The following GRM7 variants were observed in gnomAD, a reference collection of about 807,000 sequenced individuals.
The protein encoded by GRM7 is glutamate metabotropic receptor 7, also known as metabotropic glutamate receptor 7.
A neutral mutation model predicts 84.5 loss-of-function variants in GRM7; 35 were observed. That is an observed-to-expected ratio of 0.41 (90% CI 0.32 to 0.55). The LOEUF is 0.55. GRM7 is among the 20% of genes least tolerant of loss of function. The probability of loss-of-function intolerance (pLI) is 0.19; values close to 1 mark genes in which losing one functional copy is unlikely to be tolerated. For missense variants in GRM7, 1,003 were observed against 1,194.6 expected (o/e 0.84, Z 2.36); for synonymous variants, 487 against 455.1 (o/e 1.07, Z -0.89).
intron 1 of GRM7, among the ~76,000 whole-genome samples, chr3:6,941,306 T>C (rs1697885827): frequency 6.6e-6 from 1 of 152,230 alleles, no homozygotes; most frequent in African/African-American, 2.4e-5. Flanking sequence ...CAAACGTCTC[T>C]ATTTTTTACC....
intron 1 of GRM7, among the ~76,000 whole-genome samples, chr3:7,025,849 T>A (rs1002189973): frequency 3.9e-5 from 6 of 152,168 alleles, no homozygotes; most frequent in African/African-American, 1.2e-4. Context: ...AATTCCACTG[T>A]GCATGGGGAG....
At chr3:7,493,660 A>G (rs1007811647) in intron 7 of GRM7, among the ~76,000 whole-genome samples, 2 of 151,980 alleles carry the variant, frequency 1.3e-5, no homozygotes, top group African/African-American at 4.8e-5. Flanking sequence ...TGGCATATTT[A>G]GACCATTTAA....
At chr3:7,390,577 C>G (rs1198253278) in intron 4 of GRM7, among the ~76,000 whole-genome samples, 1 of 151,652 alleles carries the variant, frequency 6.6e-6, no homozygotes, top group Admixed American at 6.6e-5. Context: ...GTATTTTGGT[C>G]TAATTGGGTT....
chr3:7,142,754 C>G (rs912107778), intron 1 of GRM7, among the ~76,000 whole-genome samples: 1 of 152,062 alleles, frequency 6.6e-6, no homozygotes, highest in Non-Finnish European at 1.5e-5. Flanking sequence ...AACCTGTTTT[C>G]TTGTGTTTGT....
intron 2 of GRM7, among the ~76,000 whole-genome samples, chr3:7,224,089 C>T (rs1055990600): frequency 1.3e-5 from 2 of 152,176 alleles, no homozygotes; most frequent in African/African-American, 4.8e-5. Flanking sequence ...CATTCTTACA[C>T]TCTTATAAAG....
At chr3:7,509,213 TGAGA>T (rs146969100) in intron 7 of GRM7, among the ~76,000 whole-genome samples, 34 of 151,930 alleles carry the variant, frequency 2.2e-4, no homozygotes, top group Middle Eastern at 3.4e-3. Context: ...TAAGATATTT[TGAGA>T]GAGAGAGAGA....
At chr3:7,494,635 G>A (rs765297253) in intron 7 of GRM7, among the ~76,000 whole-genome samples, 8 of 151,926 alleles carry the variant, frequency 5.3e-5, no homozygotes, top group Non-Finnish European at 8.8e-5. Flanking sequence ...AGCTCTCTTC[G>A]TTTTTATCAG....
At chr3:7,210,498 C>A (rs1283594130) in intron 2 of GRM7, among the ~76,000 whole-genome samples, 1 of 152,100 alleles carries the variant, frequency 6.6e-6, no homozygotes, top group Non-Finnish European at 1.5e-5. Flanking sequence ...CCAGGTGTTA[C>A]AGAAGGTATG....
At chr3:7,185,247 A>G (rs1695475756) in intron 2 of GRM7, among the ~76,000 whole-genome samples, 1 of 152,154 alleles carries the variant, frequency 6.6e-6, no homozygotes, top group South Asian at 2.1e-4. Flanking sequence ...ATAGACCTCA[A>G]CACCTTCACA....
chr3:7,286,375 C>T (rs1001187686), intron 2 of GRM7, among the ~76,000 whole-genome samples: 11 of 152,078 alleles, frequency 7.2e-5, no homozygotes, highest in South Asian at 2.1e-4. Flanking sequence ...ATATGATATC[C>T]ACAAATATTC....
intron 7 of GRM7, among the ~76,000 whole-genome samples, chr3:7,534,397 A>G (rs530558964): frequency 6.6e-6 from 1 of 152,244 alleles, no homozygotes; most frequent in Non-Finnish European, 1.5e-5. Context: ...CTAATTCTAC[A>G]CATGAGAAAA....
At chr3:7,440,224 A>G (rs1697231493) in intron 5 of GRM7, among the ~76,000 whole-genome samples, 1 of 152,188 alleles carries the variant, frequency 6.6e-6, no homozygotes, top group Admixed American at 6.5e-5. Flanking sequence ...AGGAAAATGC[A>G]GGTGAACTTT....
chr3:7,211,949 CT>C (rs1026668284), intron 2 of GRM7, among the ~76,000 whole-genome samples: 67 of 146,480 alleles, frequency 4.6e-4, no homozygotes, highest in Middle Eastern at 3.6e-3. Flanking sequence ...TGTCTGGCAC[CT>C]TTTTTTTTTT....
intron 2 of GRM7, among the ~76,000 whole-genome samples, chr3:7,214,421 A>G (rs1038331361): frequency 5.3e-5 from 8 of 152,310 alleles, no homozygotes; most frequent in African/African-American, 1.7e-4. Context: ...CTAAGGCTTG[A>G]CCCCTTAGAG....
intron 1 of GRM7, among the ~76,000 whole-genome samples, chr3:7,033,261 A>T (rs1306121743): frequency 1.3e-5 from 2 of 152,110 alleles, no homozygotes; most frequent in Non-Finnish European, 2.9e-5. Context: ...TAACCTCATC[A>T]TAACGGATTA....
At chr3:7,182,935 C>T (rs1362347883) in intron 2 of GRM7, among the ~76,000 whole-genome samples, 1 of 128,812 alleles carries the variant, frequency 7.8e-6, no homozygotes, top group Non-Finnish European at 1.6e-5. Flanking sequence ...AGACAGTGGA[C>T]TGGAACTTTT....
intron 1 of GRM7, among the ~76,000 whole-genome samples, chr3:6,873,825 T>C (rs983971489): frequency 6.6e-6 from 1 of 152,244 alleles, no homozygotes; most frequent in African/African-American, 2.4e-5. Context: ...TGGCATTTAT[T>C]GTTGCCCATT....
chr3:7,655,590 T>C lies in GRM7; in HGVS notation c.2452-24459T>C, dbSNP rs150586242. ...ACTTCTTGGTTTGAGAATGCACTTA[T>C]ATGCCTTGGAGGTATCTTTGCAAAA... On this transcript the variant is annotated intron_variant, in intron 8 of 9. Coordinates refer to ENST00000357716, the MANE Select transcript of GRM7 (RefSeq NM_000844.4). Among the ~76,000 whole-genome samples the C allele has an allele frequency of 7.2e-5, 11 of 152,336 alleles. 1 individual carries two copies. The highest frequency in any genetic ancestry group is 6.2e-4 in the South Asian group (3 of 4,832).
chr3:7,073,100 T>C (rs73808635), intron 1 of GRM7, among the ~76,000 whole-genome samples: 20,352 of 152,134 alleles, frequency 0.13, 2,081 homozygotes, highest in African/African-American at 0.29. Context: ...ATCTTTTTAT[T>C]TTTTATGTTT....
Sources: allele counts gnomAD v4.1 joint callset (sites outside exome capture counted in the v4.1 genomes callset), GRCh38; gene constraint gnomAD v4.1.1; transcripts MANE v1.5; gene names NCBI Gene and HGNC (gene_info 2026-07-23, HGNC 2026-07-21).